The following FAM117B variants were observed in gnomAD, a reference collection of about 807,000 sequenced individuals.
FAM117B encodes family with sequence similarity 117 member B, also known as protein FAM117B.
FAM117B carries 22 observed loss-of-function variants against 52.8 expected under a neutral mutation model. That is an observed-to-expected ratio of 0.42 (90% CI 0.30 to 0.59). The LOEUF is 0.59. Ranked by LOEUF, FAM117B falls within the 20% of genes least tolerant of loss-of-function variation. The pLI is 0.22. For missense variants in FAM117B, 678 were observed against 802.6 expected, an observed-to-expected ratio of 0.84 and a Z score of 1.88; for synonymous variants, 309 against 324.1, an observed-to-expected ratio of 0.95 and a Z score of 0.50.
chr2:202,635,680 G>T lies in FAM117B; in HGVS notation c.493G>T (p.Val165Leu). ...GCCCACCCACCTGTGGACCGGCGAGGTGAGCGCGGCCCCACCCCCAGCCCG... is the reference window on the plus strand; with the variant it reads ...GCCCACCCACCTGTGGACCGGCGAGTTGAGCGCGGCCCCACCCCCAGCCCG... ...SSPTHLWTGEVSAAPPPARVR... is the reference protein window; with the variant it reads ...SSPTHLWTGELSAAPPPARVR... The change falls in exon 1 of 8, where the codon GTG (valine) becomes TTG (leucine). Residue 165 changes from valine to leucine, a missense_variant. By Grantham distance (32) the Val-to-Leu change is conservative. Transcript: ENST00000392238. The T allele has an allele frequency of 7.1e-7, 1 of 1,403,916 alleles. No individual in the cohort carries two copies. Among genetic ancestry groups the T allele is most frequent in the East Asian group, 3.1e-5 (1 of 32,210 alleles). 87.0% of individuals were successfully genotyped at this position (1,403,916 alleles called of 1,614,324 possible).
At chr2:202,755,283 T>C (rs1691784711) in intron 4 of FAM117B, among the ~76,000 whole-genome samples, 2 of 152,198 alleles carry the variant, frequency 1.3e-5, no homozygotes, top group South Asian at 2.1e-4. Context: ...TTTTACTATA[T>C]TTATTTATCC....
At chr2:202,668,853 GTT>G (rs950553698) in intron 1 of FAM117B, among the ~76,000 whole-genome samples, 1 of 152,094 alleles carries the variant, frequency 6.6e-6, no homozygotes, top group Non-Finnish European at 1.5e-5. Flanking sequence ...GTAATTTAAT[GTT>G]TCAGAGAATT....
At chr2:202,650,095 T>C (rs1204068460) in intron 1 of FAM117B, among the ~76,000 whole-genome samples, 2 of 152,100 alleles carry the variant, frequency 1.3e-5, no homozygotes, top group Non-Finnish European at 2.9e-5. Context: ...TTTAGAGCAA[T>C]TAAAAATAGG....
intron 2 of FAM117B, among the ~76,000 whole-genome samples, chr2:202,721,143 T>TG (rs1691145715): frequency 6.6e-6 from 1 of 152,178 alleles, no homozygotes; most frequent in African/African-American, 2.4e-5. Flanking sequence ...AAACCAACTT[T>TG]TTTTTTCTAA....
chr2:202,749,341 A>T (rs1691685400), intron 4 of FAM117B, among the ~76,000 whole-genome samples: 1 of 151,778 alleles, frequency 6.6e-6, no homozygotes. Context: ...TAGAGCATTG[A>T]TTTCTTAAGT....
intron 1 of FAM117B, among the ~76,000 whole-genome samples, chr2:202,647,878 A>T (rs1163530435): frequency 6.6e-6 from 1 of 152,210 alleles, no homozygotes; most frequent in African/African-American, 2.4e-5. Flanking sequence ...AGCAGTTGAG[A>T]TGAAATTAGT....
intron 1 of FAM117B, among the ~76,000 whole-genome samples, chr2:202,646,298 G>A (rs753848917): frequency 6.6e-6 from 1 of 152,220 alleles, no homozygotes; most frequent in Non-Finnish European, 1.5e-5. Flanking sequence ...AGCGTGAGCC[G>A]CTTGGCCTGG....
At chr2:202,717,342 A>G (rs1691073318) in intron 2 of FAM117B, among the ~76,000 whole-genome samples, 1 of 152,126 alleles carries the variant, frequency 6.6e-6, no homozygotes, top group African/African-American at 2.4e-5. Context: ...GTGTGGTGGC[A>G]TATGCCTATA....
chr2:202,675,258 G>A (rs1690360351), intron 1 of FAM117B, among the ~76,000 whole-genome samples: 1 of 151,032 alleles, frequency 6.6e-6, no homozygotes, highest in South Asian at 2.1e-4. Context: ...AAAAGCCTGA[G>A]CAACAGGTGA....
intron 7 of FAM117B, among the ~76,000 whole-genome samples, chr2:202,761,911 T>C (rs1478899289): frequency 1.3e-5 from 2 of 152,086 alleles, no homozygotes; most frequent in Non-Finnish European, 2.9e-5. Flanking sequence ...TTATTATACG[T>C]TTTACTGGTA....
At chr2:202,652,628 TG>T (rs1193922489) in intron 1 of FAM117B, among the ~76,000 whole-genome samples, 1 of 152,182 alleles carries the variant, frequency 6.6e-6, no homozygotes, top group Non-Finnish European at 1.5e-5. Context: ...CAGAATGCTT[TG>T]TGTGCAGTCA....
chr2:202,759,971 G>C (rs993746232), intron 7 of FAM117B, among the ~76,000 whole-genome samples: 5 of 152,184 alleles, frequency 3.3e-5, no homozygotes, highest in Non-Finnish European at 7.3e-5. Flanking sequence ...GAAGTGCTGG[G>C]ATTGCAGGCA....
intron 1 of FAM117B, among the ~76,000 whole-genome samples, chr2:202,646,173 C>T (rs2105754143): frequency 6.6e-6 from 1 of 151,394 alleles, no homozygotes; most frequent in South Asian, 2.1e-4. Flanking sequence ...ACTACAGGGG[C>T]ACACCACTAC....
At chr2:202,729,286 A>G (rs906776514) in intron 4 of FAM117B, among the ~76,000 whole-genome samples, 1 of 152,148 alleles carries the variant, frequency 6.6e-6, no homozygotes, top group African/African-American at 2.4e-5. Context: ...GTGAGCAGAG[A>G]TCGTGCCACT....
At chr2:202,686,981 T>C in intron 1 of FAM117B, among the ~76,000 whole-genome samples, 1 of 152,168 alleles carries the variant, frequency 6.6e-6, no homozygotes, top group East Asian at 1.9e-4. Context: ...AGTCCCGTTA[T>C]CTGCAGTAGG....
chr2:202,757,251 C>G lies in FAM117B; in HGVS notation c.1143C>G (p.Pro381=), dbSNP rs140222767. ...DIPDGHRAPP[P]LVQRSSSTRS... ...CAGATGGCCATCGTGCTCCACCCCC[C>G]CTTGTACAGAGAAGTAGCAGCACGC... Residue 381 remains proline, a synonymous_variant, in exon 6 of 8, where the codon CCC becomes CCG. Transcript: ENST00000392238. 8.1e-6 allele frequency: 13 copies of G among 1,614,152 alleles called. No homozygotes were observed. The highest frequency in any genetic ancestry group is 4.5e-5 in the East Asian group (2 of 44,890).
At chr2:202,749,023 G>A (rs189763629) in intron 4 of FAM117B, among the ~76,000 whole-genome samples, 21 of 152,142 alleles carry the variant, frequency 1.4e-4, no homozygotes, top group Non-Finnish European at 2.5e-4. Flanking sequence ...GAGAGCACTG[G>A]TAGTTTATGA....
At chr2:202,742,101 A>T (rs569881235) in intron 4 of FAM117B, among the ~76,000 whole-genome samples, 1 of 152,208 alleles carries the variant, frequency 6.6e-6, no homozygotes, top group Non-Finnish European at 1.5e-5. Context: ...TTAATATAAT[A>T]CTTTCTAATT....
intron 1 of FAM117B, among the ~76,000 whole-genome samples, chr2:202,641,886 G>A (rs1185385142): frequency 6.6e-6 from 1 of 151,352 alleles, no homozygotes; most frequent in African/African-American, 2.4e-5. Context: ...CGGTCCATCC[G>A]CCTCGGCCTC....
Sources: gnomAD v4.1 joint callset for allele counts (sites outside exome capture counted in the v4.1 genomes callset) on GRCh38, gnomAD v4.1.1 for gene constraint, MANE v1.5 for transcripts, NCBI Gene and HGNC (gene_info 2026-07-23, HGNC 2026-07-21) for gene names.